The following REDIC1 variants were observed in gnomAD, a reference collection of about 807,000 sequenced individuals.
REDIC1 encodes HEI10 Interacting Protein 1.
At chr12:39,691,647 TA>T in the REDIC1 span, among the ~76,000 whole-genome samples, 1 of 152,268 alleles carries the variant, frequency 6.6e-6, no homozygotes, top group Admixed American at 6.5e-5. Context: ...TGTAGAAAGT[TA>T]TACCTCTAAG....
chr12:39,713,000 TATGTATATATA>T, the REDIC1 span, among the ~76,000 whole-genome samples: 17 of 141,952 alleles, frequency 1.2e-4, 1 homozygote, highest in Admixed American at 4.9e-4. Context: ...TATACGTGTA[TATGTATATATA>T]CATGTGTATA....
At chr12:39,800,052 T>G in the REDIC1 span, among the ~76,000 whole-genome samples, 1 of 152,188 alleles carries the variant, frequency 6.6e-6, no homozygotes, top group East Asian at 1.9e-4. Context: ...AGTAAACATA[T>G]ATGTAATGTT....
At chr12:39,813,026 G>GTTTTTTTTTTTTTTTTT in the REDIC1 span, among the ~76,000 whole-genome samples, 1 of 1,722 alleles carries the variant, frequency 5.8e-4, no homozygotes, top group Non-Finnish European at 2.4e-3. Context: ...TTTTTTTTTA[G>GTTTTTTTTTTTTTTTTT]TAGAGATGGG....
chr12:39,752,197 G>T, the REDIC1 span, among the ~76,000 whole-genome samples: 1 of 152,140 alleles, frequency 6.6e-6, no homozygotes, highest in East Asian at 1.9e-4. Flanking sequence ...ATATTGGTTT[G>T]TGGCCTATTA....
At chr12:39,846,081 TA>T in the REDIC1 span, among the ~76,000 whole-genome samples, 1 of 152,126 alleles carries the variant, frequency 6.6e-6, no homozygotes, top group Non-Finnish European at 1.5e-5. Context: ...ACAGAGGCCT[TA>T]AAAACAATTG....
the REDIC1 span, among the ~76,000 whole-genome samples, chr12:39,701,471 C>T: frequency 6.6e-6 from 1 of 152,174 alleles, no homozygotes; most frequent in Non-Finnish European, 1.5e-5. Context: ...GAGACGTAGA[C>T]TCCCACACAT....
chr12:39,699,871 C>T, the REDIC1 span, among the ~76,000 whole-genome samples: 2 of 152,186 alleles, frequency 1.3e-5, no homozygotes, highest in African/African-American at 4.8e-5. Context: ...AACAGATCCG[C>T]AGCTGAGGGT....
chr12:39,646,609 C>T, the REDIC1 span: 1 of 745,808 alleles, frequency 1.3e-6, no homozygotes, highest in South Asian at 2.9e-5. Flanking sequence ...TGATTAAGAC[C>T]TTCATCAAAT....
the REDIC1 span, among the ~76,000 whole-genome samples, chr12:39,712,716 C>T: frequency 7.9e-6 from 1 of 126,444 alleles, no homozygotes; most frequent in Non-Finnish European, 1.6e-5. Context: ...TGTATATAGA[C>T]GTATACGTGT....
At chr12:39,826,928 C>A in the REDIC1 span, among the ~76,000 whole-genome samples, 1 of 134,016 alleles carries the variant, frequency 7.5e-6, no homozygotes, top group East Asian at 2.2e-4. Flanking sequence ...TGGTGGCTTC[C>A]TTGCCTCCAA....
the REDIC1 span, among the ~76,000 whole-genome samples, chr12:39,718,564 G>A: frequency 6.6e-6 from 1 of 152,058 alleles, no homozygotes; most frequent in Non-Finnish European, 1.5e-5. Flanking sequence ...GGCAATCTTG[G>A]TCATAAACCT....
the REDIC1 span, among the ~76,000 whole-genome samples, chr12:39,729,275 C>T: frequency 1.3e-5 from 2 of 151,942 alleles, no homozygotes; most frequent in Non-Finnish European, 2.9e-5. Context: ...AGATCTTTCC[C>T]GTCTTCTCCT....
At chr12:39,859,943 G>A in the REDIC1 span, among the ~76,000 whole-genome samples, 1 of 152,176 alleles carries the variant, frequency 6.6e-6, no homozygotes, top group Non-Finnish European at 1.5e-5. Flanking sequence ...GAGGTAATAT[G>A]CTAGGCATCA....
chr12:39,856,773 C>T, the REDIC1 span, among the ~76,000 whole-genome samples: 1 of 152,196 alleles, frequency 6.6e-6, no homozygotes, highest in African/African-American at 2.4e-5. Flanking sequence ...GCTTTTACAA[C>T]ATGATGGGAA....
At chr12:39,723,502 T>C in the REDIC1 span, among the ~76,000 whole-genome samples, 1 of 151,804 alleles carries the variant, frequency 6.6e-6, no homozygotes, top group African/African-American at 2.4e-5. Flanking sequence ...GCATTACTGG[T>C]TTGGGCTTTC....
At chr12:39,731,529 T>A in the REDIC1 span, among the ~76,000 whole-genome samples, 7 of 152,182 alleles carry the variant, frequency 4.6e-5, no homozygotes, top group African/African-American at 1.4e-4. Context: ...GGAAGCTTTG[T>A]CCCAGAGGGG....
the REDIC1 span, among the ~76,000 whole-genome samples, chr12:39,805,770 G>A: frequency 4.6e-5 from 7 of 152,200 alleles, no homozygotes; most frequent in African/African-American, 1.7e-4. Flanking sequence ...AACCAGATCT[G>A]AGTGGGCAAG....
the REDIC1 span, among the ~76,000 whole-genome samples, chr12:39,795,726 C>T: frequency 1.3e-5 from 2 of 152,174 alleles, no homozygotes; most frequent in African/African-American, 4.8e-5. Context: ...TTTATGGGCA[C>T]GGGAAACATA....
chr12:39,891,982 T>A, the REDIC1 span, among the ~76,000 whole-genome samples: 4 of 152,334 alleles, frequency 2.6e-5, no homozygotes, highest in East Asian at 5.8e-4. Flanking sequence ...ACGATTTTTT[T>A]ACTAGGTTTA....
Sources: allele counts gnomAD v4.1 joint callset (sites outside exome capture counted in the v4.1 genomes callset), GRCh38; gene constraint gnomAD v4.1.1; transcripts MANE v1.5; gene names NCBI Gene and HGNC (gene_info 2026-07-23, HGNC 2026-07-21).